TRIM67: variants seen among roughly 807,000 people sequenced by gnomAD.
TRIM67 encodes tripartite motif containing 67.
A neutral mutation model predicts 71.0 loss-of-function variants in TRIM67; 39 were observed. The observed-to-expected ratio is 0.55, with a 90% CI of 0.43 to 0.72. The LOEUF (loss-of-function observed/expected upper bound fraction) is 0.72. Among genes scored for constraint, TRIM67 ranks in the 30% least tolerant of loss-of-function variants. The pLI is 0.00. For missense variants in TRIM67, 973 were observed against 1,079.2 expected (o/e 0.90, Z 1.38); for synonymous variants, 481 against 473.9 (o/e 1.01, Z -0.19).
chr1:231,172,839 C>T (rs1682651452), intron 1 of TRIM67, among the ~76,000 whole-genome samples: 2 of 152,196 alleles, frequency 1.3e-5, no homozygotes, highest in Admixed American at 6.6e-5. Flanking sequence ...CAACAAGCCT[C>T]CTAAAATGAA....
intron 1 of TRIM67, among the ~76,000 whole-genome samples, chr1:231,180,619 T>C (rs922556369): frequency 6.6e-6 from 1 of 151,764 alleles, no homozygotes; most frequent in African/African-American, 2.4e-5. Flanking sequence ...GGAGGAGGAG[T>C]TGGATGAATC....
rs374837538 is a variant in TRIM67, at chr1:231,193,491, A to ACT, written c.1045-3872_1045-3871dup. Among the ~76,000 whole-genome samples the ACT allele has an allele frequency of 2.1e-3, 66 of 30,816 alleles. No individual in the cohort carries two copies. The East Asian group carries it at 0.042, about 20-fold the overall frequency. 20.2% of individuals were successfully genotyped at this position (30,816 alleles called of 152,430 possible). ...TAAAAAAAAAGAAAGAGACACCTGA[A>ACT]CTCTCTCTCAAGCTCTCTCTCTCTC... On this transcript the variant is annotated intron_variant, in intron 1 of 9. Coordinates refer to ENST00000366653, the MANE Select transcript of TRIM67 (RefSeq NM_001004342.5).
chr1:231,187,714 G>A (rs932216968), intron 1 of TRIM67: 31 of 727,000 alleles, frequency 4.3e-5, no homozygotes, highest in Non-Finnish European at 5.7e-5. Context: ...TGGGAAAGGC[G>A]GGCAGAAGGA....
intron 1 of TRIM67, chr1:231,187,543 G>C (rs190931976): frequency 6.5e-7 from 1 of 1,532,566 alleles, no homozygotes; most frequent in African/African-American, 1.4e-5. Flanking sequence ...AGATAAAAAG[G>C]TGAGAGAAAT....
chr1:231,165,628 C>A (rs1009940607), intron 1 of TRIM67, among the ~76,000 whole-genome samples: 2 of 152,168 alleles, frequency 1.3e-5, no homozygotes, highest in African/African-American at 2.4e-5. Context: ...TAGCTTTGAG[C>A]TGAATCAGAA....
intron 7 of TRIM67, among the ~76,000 whole-genome samples, chr1:231,207,404 C>T (rs941086288): frequency 6.6e-6 from 1 of 152,194 alleles, no homozygotes; most frequent in Non-Finnish European, 1.5e-5. Context: ...TGGGCAACAA[C>T]AGCATGTTGA....
intron 8 of TRIM67, among the ~76,000 whole-genome samples, chr1:231,212,843 G>A (rs1020870065): frequency 2.0e-5 from 3 of 152,222 alleles, no homozygotes; most frequent in Admixed American, 6.5e-5. Context: ...CACTTCCACC[G>A]AGTGGATGTG....
rs564828733 is a variant in TRIM67, at chr1:231,220,339, C to A, written c.*4899C>A. ...TTCCCGGCGAGGCCTGTTTGAATGG[C>A]GCTCTGTGTGAGTGCTATGAACAGG... On this transcript the variant is annotated 3_prime_UTR_variant, in exon 10 of 10. Transcript: ENST00000366653. 5.1e-6 allele frequency: 1 copy of A among 196,962 alleles called. No homozygotes were observed. 12.2% of individuals were successfully genotyped at this position (196,962 alleles called of 1,614,324 possible).
chr1:231,198,438 G>T (rs1683428663), intron 2 of TRIM67, among the ~76,000 whole-genome samples: 1 of 152,146 alleles, frequency 6.6e-6, no homozygotes, highest in Non-Finnish European at 1.5e-5. Context: ...CCAGGCTATA[G>T]TGCAATGGCA....
Position 231,163,333 on chromosome 1 carries a change from C to A in TRIM67, c.364C>A (p.Pro122Thr). ...GTCCTACACCCCGAGCCTCAAGTCC[C>A]CCAACGGGGTTCGCGTGCTGCCCAT... is the stretch of plus-strand genomic sequence containing the variant. ...YGSYTPSLKS[P>T]NGVRVLPMVP... The change falls in exon 1 of 10, where the codon CCC becomes ACC. Residue 122 changes from proline (P) to threonine (T), a missense_variant. Coordinates refer to ENST00000366653, the MANE Select transcript of TRIM67 (RefSeq NM_001004342.5). The A allele has an allele frequency of 4.6e-6, 7 of 1,528,230 alleles. No homozygotes were observed. The highest frequency in any genetic ancestry group is 5.3e-6 in the Non-Finnish European group (6 of 1,137,152). The allele number at this position is 1,528,230 out of a possible 1,614,324, so 94.7% of individuals were successfully genotyped here.
In TRIM67 at chr1:231,221,191, G is replaced by C. The variant is rs1420104223; in HGVS notation, c.*5751G>C. 1.3e-5 allele frequency: 2 copies of C among 152,154 alleles called. No homozygotes were observed. Among genetic ancestry groups the C allele is most frequent in the South Asian group, 2.1e-4 (1 of 4,824 alleles). The allele number at this position is 152,154 out of a possible 1,614,324, so 9.4% of individuals were successfully genotyped here. On this transcript the variant is annotated 3_prime_UTR_variant, in exon 10 of 10. Coordinates refer to ENST00000366653, the MANE Select transcript of TRIM67 (RefSeq NM_001004342.5). ...GATTTAACAAGAAACAAAAAGCTTC[G>C]CGTCCTTGTTTTGACCGTCGACAGA...
intron 1 of TRIM67, among the ~76,000 whole-genome samples, chr1:231,196,110 G>A (rs961203529): frequency 2.0e-4 from 30 of 152,316 alleles, no homozygotes; most frequent in Middle Eastern, 3.4e-3. Context: ...GTTGGGTGGT[G>A]ACGACTGTTA....
At position 231,215,954 on chromosome 1, in the gene TRIM67, G is replaced by A; in HGVS notation, c.*514G>A. The A allele has an allele frequency of 2.0e-6, 2 of 986,704 alleles. No individual in the cohort carries two copies. Among genetic ancestry groups the A allele is most frequent in the South Asian group, 9.4e-5 (2 of 21,308 alleles). The allele number at this position is 986,704 out of a possible 1,614,324, so 61.1% of individuals were successfully genotyped here. A position where few individuals can be genotyped will look rare whatever the true frequency, so the allele number is the denominator to read the frequency against. ...GAGAAAGTTATCTTTTAGCTTCTTG[G>A]TCCTAGAGTCTTTAGTAGCACCTGC... On this transcript the variant is annotated 3_prime_UTR_variant, in exon 10 of 10. Transcript: ENST00000366653.
intron 1 of TRIM67, among the ~76,000 whole-genome samples, chr1:231,190,062 G>T (rs149760103): frequency 2.0e-5 from 3 of 151,852 alleles, no homozygotes; most frequent in African/African-American, 7.2e-5. Context: ...TCTAGGCTAC[G>T]AGGCTTATGG....
At chr1:231,164,143 G>T in intron 1 of TRIM67, 130 bp downstream of exon 1, 2 of 1,168,352 alleles carry the variant, frequency 1.7e-6, no homozygotes, top group Non-Finnish European at 2.2e-6. Flanking sequence ...TCACTCATTA[G>T]CCATTCATTC....
intron 1 of TRIM67, among the ~76,000 whole-genome samples, chr1:231,166,313 G>A (rs1344071901): frequency 1.3e-5 from 2 of 150,566 alleles, no homozygotes; most frequent in Non-Finnish European, 1.5e-5. Context: ...TCTACAGAAA[G>A]GGAAACTACT....
rs1272253881 is a variant in TRIM67, at chr1:231,218,551, T to C, written c.*3111T>C. The C allele has an allele frequency of 7.1e-6, 7 of 985,340 alleles. No homozygotes were observed. The East Asian group carries it at 6.8e-4, about 96-fold the overall frequency. 61.0% of individuals were successfully genotyped at this position (985,340 alleles called of 1,614,324 possible). A position where few individuals can be genotyped will look rare whatever the true frequency, so the allele number is the denominator to read the frequency against. On this transcript the variant is annotated 3_prime_UTR_variant, in exon 10 of 10. Coordinates refer to ENST00000366653, the MANE Select transcript of TRIM67 (RefSeq NM_001004342.5). The stretch of plus-strand genomic sequence containing the variant: ...GCATACATAGCATCCCAGCTCCTAA[T>C]TCAAAGCAGGGGAAGGTATTTCCCC...
chr1:231,167,392 G>A (rs1263968848), intron 1 of TRIM67, among the ~76,000 whole-genome samples: 1 of 90,366 alleles, frequency 1.1e-5, no homozygotes, highest in Non-Finnish European at 1.9e-5. Context: ...GCGGGATCTC[G>A]GCTCACTGCA....
chr1:231,162,796 G>A lies in TRIM67; in HGVS notation c.-174G>A. On this transcript the variant is annotated 5_prime_UTR_variant, in exon 1 of 10. Coordinates refer to ENST00000366653, the MANE Select transcript of TRIM67 (RefSeq NM_001004342.5). Reference sequence around the variant, plus strand: ...TCTCGCCCCTCAATCATCTTAGGGCGGTGGCTACAGGACAGAGAGAGGGGC... The same window carrying A: ...TCTCGCCCCTCAATCATCTTAGGGCAGTGGCTACAGGACAGAGAGAGGGGC... 1.3e-6 allele frequency: 1 copy of A among 766,596 alleles called. No homozygotes were observed. The highest frequency in any genetic ancestry group is 3.0e-5 in the East Asian group (1 of 33,506). The allele number at this position is 766,596 out of a possible 1,614,324, so 47.5% of individuals were successfully genotyped here. A position where few individuals can be genotyped will look rare whatever the true frequency, so the allele number is the denominator to read the frequency against.
Sources: gnomAD v4.1 joint callset for allele counts (sites outside exome capture counted in the v4.1 genomes callset) on GRCh38, gnomAD v4.1.1 for gene constraint, MANE v1.5 for transcripts, NCBI Gene and HGNC (gene_info 2026-07-23, HGNC 2026-07-21) for gene names.